Variants in PIP4P2 observed in about 807,000 individuals in gnomAD.
The protein encoded by PIP4P2 is phosphatidylinositol-4,5-bisphosphate 4-phosphatase 2, also known as type 2 phosphatidylinositol 4,5-bisphosphate 4-phosphatase.
A neutral mutation model predicts 33.3 loss-of-function variants in PIP4P2; 19 were observed. The observed-to-expected ratio is 0.57, with a 90% CI of 0.40 to 0.84. PIP4P2 has a LOEUF of 0.84. PIP4P2 is among the 40% of genes least tolerant of loss of function. The pLI is 0.00. For synonymous variants in PIP4P2, 110 were observed against 111.9 expected, an observed-to-expected ratio of 0.98 and a Z score of 0.11; for missense variants, 270 against 324.7, an observed-to-expected ratio of 0.83 and a Z score of 1.29.
At chr8:91,008,917 G>A (rs1036986210) in intron 4 of PIP4P2, 122 bp from the exon 5 acceptor site, 3 of 705,952 alleles carry the variant, frequency 4.2e-6, no homozygotes, top group East Asian at 2.7e-5. Flanking sequence ...ACCTTCTCAC[G>A]GTTACATGAG....
chr8:91,004,611 T>C (rs1320408852), intron 5 of PIP4P2, among the ~76,000 whole-genome samples: 2 of 152,168 alleles, frequency 1.3e-5, no homozygotes, highest in Non-Finnish European at 1.5e-5. Context: ...GCAAATTCAG[T>C]GGCCCACTGG....
At chr8:91,016,465 A>T (rs1811915805) in intron 4 of PIP4P2, 1 of 152,218 alleles carries the variant, frequency 6.6e-6, no homozygotes, top group Non-Finnish European at 1.5e-5. Flanking sequence ...TATCAAAAGG[A>T]TCAGGTATCA....
intron 1 of PIP4P2, among the ~76,000 whole-genome samples, chr8:91,024,071 A>G (rs2130372974): frequency 6.6e-6 from 1 of 152,176 alleles, no homozygotes; most frequent in East Asian, 1.9e-4. Flanking sequence ...TAATGCACTG[A>G]GAGAGGTGAA....
rs58332755 is a variant in PIP4P2, at chr8:91,040,394, T to TCAC, written c.106+247_106+249dup. The stretch of plus-strand genomic sequence containing the variant: ...AGTGGTGAAATACACACACACACCA[T>TCAC]CACCACCACCACCACCACCACCATC... On this transcript the variant is annotated intron_variant, in intron 1 of 6. Coordinates refer to ENST00000285419, the MANE Select transcript of PIP4P2 (RefSeq NM_018710.3). 1.7e-3 allele frequency among the ~76,000 whole-genome samples: 259 copies of TCAC among 149,740 alleles called. 3 individuals are homozygous for TCAC. The highest frequency in any genetic ancestry group is 2.5e-3 in the Non-Finnish European group (167 of 67,100).
chr8:91,033,600 G>A (rs1812199109), intron 1 of PIP4P2, among the ~76,000 whole-genome samples: 1 of 152,032 alleles, frequency 6.6e-6, no homozygotes, highest in African/African-American at 2.4e-5. Flanking sequence ...GTGTTTTCAT[G>A]TCTCTCCTTT....
chr8:91,003,165 G>T (rs1811722111), intron 5 of PIP4P2, among the ~76,000 whole-genome samples: 1 of 152,150 alleles, frequency 6.6e-6, no homozygotes, highest in African/African-American at 2.4e-5. Context: ...GTATGCCATG[G>T]CTAAGAAATT....
chr8:91,017,974 G>A (rs879496715), intron 4 of PIP4P2, among the ~76,000 whole-genome samples: 10 of 152,128 alleles, frequency 6.6e-5, no homozygotes, highest in Non-Finnish European at 1.5e-4. Flanking sequence ...ATAAAAGTCA[G>A]AAAATTTTTG....
chr8:91,008,743 A>AC lies in PIP4P2; in HGVS notation c.538_539insG (p.Ile180SerfsTer6). 1 of 1,609,358 alleles carries AC rather than the reference A, an allele frequency of 6.2e-7. No homozygotes were observed. Among genetic ancestry groups the AC allele is most frequent in the Non-Finnish European group, 8.5e-7 (1 of 1,176,590 alleles). ...ATATTTCCAATGGTAGGGAACTTAC[A>AC]TTTTTTTGCAGTGTGGGCATTTTGC... On this transcript the variant is annotated frameshift_variant and splice_region_variant, in exon 5 of 7. Transcript: ENST00000285419. LOFTEE classifies it high-confidence loss of function.
intron 5 of PIP4P2, among the ~76,000 whole-genome samples, chr8:91,007,448 T>C (rs1475602632): frequency 6.6e-6 from 1 of 152,162 alleles, no homozygotes; most frequent in Non-Finnish European, 1.5e-5. Context: ...TCAATGTAGA[T>C]AAGGTATTTA....
intron 1 of PIP4P2, among the ~76,000 whole-genome samples, chr8:91,023,372 T>C (rs1812038720): frequency 7.2e-6 from 1 of 138,264 alleles, no homozygotes; most frequent in South Asian, 2.6e-4. Flanking sequence ...ACAAGGGCAT[T>C]AGGGGGAGAG....
At chr8:91,027,667 TTCAATCTTTGTTTTAAAGC>T (rs767197515) in intron 1 of PIP4P2, among the ~76,000 whole-genome samples, 17 of 152,026 alleles carry the variant, frequency 1.1e-4, no homozygotes, top group Admixed American at 8.5e-4. Context: ...ATTTTCTGGA[TTCAATCTTTGTTTTAAAGC>T]TAGAAGTAGC....
chr8:91,020,310 G>A, intron 2 of PIP4P2, 47 bp from the exon 3 acceptor site: 1 of 1,544,304 alleles, frequency 6.5e-7, no homozygotes, highest in African/African-American at 1.4e-5. Context: ...CCAAAGTACA[G>A]ATTGTCAAAG....
Position 90,995,823 on chromosome 8 carries a change from A to G in PIP4P2, c.631-3T>C, listed in dbSNP as rs374353593. 2.5e-6 allele frequency: 4 copies of G among 1,593,280 alleles called. No homozygotes were observed. The African/African-American group carries it at 5.5e-5, about 22-fold the overall frequency. On this transcript the variant is annotated splice_region_variant and splice_polypyrimidine_tract_variant and intron_variant, in intron 6 of 6. Coordinates refer to ENST00000285419, the MANE Select transcript of PIP4P2 (RefSeq NM_018710.3). ...CTTGCAAAATCTGGGGTGCCAACCT[A>G]AAATAAAAAGCAATATAAAAACAAA...
chr8:91,027,528 G>C (rs1304804994), intron 1 of PIP4P2, among the ~76,000 whole-genome samples: 2 of 152,060 alleles, frequency 1.3e-5, no homozygotes, highest in Non-Finnish European at 2.9e-5. Flanking sequence ...TCAGTAAGAG[G>C]CAGCTTCTAC....
chr8:91,015,091 G>A (rs573829444), intron 4 of PIP4P2, among the ~76,000 whole-genome samples: 1 of 152,086 alleles, frequency 6.6e-6, no homozygotes, highest in Non-Finnish European at 1.5e-5. Context: ...CGAATAAAAA[G>A]TCACTCTAAA....
intron 1 of PIP4P2, among the ~76,000 whole-genome samples, chr8:91,032,801 A>T (rs1812186311): frequency 6.8e-6 from 1 of 147,346 alleles, no homozygotes; most frequent in South Asian, 2.2e-4. Flanking sequence ...AAAAAAAAAA[A>T]GAAAGAAACA....
chr8:91,016,089 C>G (rs558178649), intron 4 of PIP4P2, among the ~76,000 whole-genome samples: 16 of 152,304 alleles, frequency 1.1e-4, no homozygotes, highest in African/African-American at 3.8e-4. Context: ...TTACTATTTA[C>G]TCCTAATTAG....
intron 4 of PIP4P2, among the ~76,000 whole-genome samples, chr8:91,013,016 C>T (rs2130361828): frequency 6.6e-6 from 1 of 152,184 alleles, no homozygotes; most frequent in East Asian, 1.9e-4. Context: ...TTAGTACAGT[C>T]AATTCTCTCT....
At chr8:91,009,187 G>C (rs1811799981) in intron 4 of PIP4P2, among the ~76,000 whole-genome samples, 1 of 151,920 alleles carries the variant, frequency 6.6e-6, no homozygotes, top group Admixed American at 6.6e-5. Flanking sequence ...TGAATATTTA[G>C]ATTCATTACT....
Sources: allele counts gnomAD v4.1 joint callset (sites outside exome capture counted in the v4.1 genomes callset), GRCh38; gene constraint gnomAD v4.1.1; transcripts MANE v1.5; gene names NCBI Gene and HGNC (gene_info 2026-07-23, HGNC 2026-07-21).